The following CSMD1 variants were observed in gnomAD, a reference collection of about 807,000 sequenced individuals.
CSMD1 encodes the protein CUB and sushi domain-containing protein 1.
CSMD1 carries 213 observed loss-of-function variants against 417.5 expected under a neutral mutation model. The observed-to-expected ratio is 0.51, with a 90% CI of 0.46 to 0.57. The LOEUF (loss-of-function observed/expected upper bound fraction) is 0.57, where lower values mean the gene tolerates loss of function less well. Ranked by LOEUF, CSMD1 falls within the 20% of genes least tolerant of loss-of-function variation. The pLI is 0.00. For synonymous variants in CSMD1, 2,862 were observed against 1,736.8 expected (o/e 1.65, Z -16.11); for missense variants, 6,923 against 4,529.7 (o/e 1.53, Z -15.17).
In CSMD1 at chr8:4,484,021, T is replaced by C. The variant is rs145359131; in HGVS notation, c.303-63956A>G. 4.1e-4 allele frequency among the ~76,000 whole-genome samples: 63 copies of C among 152,218 alleles called. No homozygotes were observed. The East Asian group carries it at 0.011, about 26-fold the overall frequency. ...AAACATCCCATTGCCTGTTGGATGA[T>C]AGGGCTGCATTAGACATTTCTTAGT... On this transcript the variant is annotated intron_variant, in intron 2 of 69. Coordinates refer to ENST00000635120, the MANE Select transcript of CSMD1 (RefSeq NM_033225.6).
intron 5 of CSMD1, among the ~76,000 whole-genome samples, chr8:3,857,015 G>C (rs1344567864): frequency 6.6e-6 from 1 of 152,044 alleles, no homozygotes; most frequent in Non-Finnish European, 1.5e-5. Flanking sequence ...TAATGGCATG[G>C]CAATGATTAG....
rs1585359574 is a variant in CSMD1, at chr8:4,121,432, G to A, written c.416-89333C>T. 3.3e-5 allele frequency among the ~76,000 whole-genome samples: 5 copies of A among 151,974 alleles called. No homozygotes were observed. In the South Asian group the frequency reaches 6.2e-4, roughly 19 times the overall value. The stretch of plus-strand genomic sequence containing the variant: ...GTATTTTTCATTACAGAATTCACAC[G>A]CCCACCACACCGGTCAAGGGCTTCT... On this transcript the variant is annotated intron_variant, in intron 3 of 69. Transcript: ENST00000635120.
At chr8:4,201,182 G>T (rs1002978251) in intron 3 of CSMD1, among the ~76,000 whole-genome samples, 1 of 152,182 alleles carries the variant, frequency 6.6e-6, no homozygotes, top group East Asian at 1.9e-4. Context: ...GTACTGTTGT[G>T]TATGCAGAGG....
chr8:4,157,516 G>C (rs762027089), intron 3 of CSMD1, among the ~76,000 whole-genome samples: 4 of 151,924 alleles, frequency 2.6e-5, no homozygotes, highest in Admixed American at 6.6e-5. Flanking sequence ...CAAAGAACTG[G>C]TTAAAGCAGC....
At chr8:4,750,988 T>G (rs972335650) in intron 1 of CSMD1, among the ~76,000 whole-genome samples, 3 of 152,222 alleles carry the variant, frequency 2.0e-5, no homozygotes, top group African/African-American at 4.8e-5. Context: ...GGCTTTAACC[T>G]GGATTGTCAG....
intron 3 of CSMD1, among the ~76,000 whole-genome samples, chr8:4,418,094 C>T (rs1252285973): frequency 6.6e-6 from 1 of 151,946 alleles, no homozygotes; most frequent in African/African-American, 2.4e-5. Flanking sequence ...ATACTAGATA[C>T]AATTTTGGTT....
intron 10 of CSMD1, among the ~76,000 whole-genome samples, chr8:3,512,977 T>A (rs1316519168): frequency 6.6e-6 from 1 of 152,138 alleles, no homozygotes; most frequent in Non-Finnish European, 1.5e-5. Flanking sequence ...GAAAGAAGTC[T>A]CCGTCCCTAT....
intron 50 of CSMD1, among the ~76,000 whole-genome samples, chr8:3,037,996 C>G (rs112966845): frequency 2.5e-4 from 38 of 152,292 alleles, no homozygotes; most frequent in African/African-American, 8.7e-4. Context: ...CTAAAACCTT[C>G]AGAAAATCGG....
chr8:4,058,702 T>C (rs1290229369), intron 3 of CSMD1, among the ~76,000 whole-genome samples: 9 of 136,286 alleles, frequency 6.6e-5, no homozygotes. Flanking sequence ...AGAAGGCCAT[T>C]ACATAATAGT....
At chr8:2,986,442 T>C (rs1036930681) in intron 54 of CSMD1, among the ~76,000 whole-genome samples, 6 of 152,132 alleles carry the variant, frequency 3.9e-5, no homozygotes, top group African/African-American at 1.4e-4. Flanking sequence ...GACTGTGTTT[T>C]CTCTACTCAG....
rs151059053 is a variant in CSMD1, at chr8:3,387,185, C to T, written c.2782+309G>A. Among the ~76,000 whole-genome samples the T allele has an allele frequency of 2.5e-3, 388 of 152,222 alleles. 1 individual carries two copies. The highest frequency in any genetic ancestry group is 8.4e-3 in the African/African-American group (347 of 41,548). ...GTCTGACATCCTAGGATATGTGTGG[C>T]GACTATACCGCCCCACGTGCCAGTT... On this transcript the variant is annotated intron_variant, in intron 18 of 69. Transcript: ENST00000635120.
At chr8:3,141,065 C>G (rs1023659450) in intron 41 of CSMD1, among the ~76,000 whole-genome samples, 21 of 152,286 alleles carry the variant, frequency 1.4e-4, no homozygotes, top group African/African-American at 5.1e-4. Context: ...ATGGGACTCT[C>G]TGTGTCCTGA....
intron 46 of CSMD1, among the ~76,000 whole-genome samples, chr8:3,097,809 T>A (rs554501934): frequency 9.8e-5 from 15 of 152,290 alleles, no homozygotes; most frequent in African/African-American, 3.6e-4. Context: ...AAACGTTCGA[T>A]GTGATTGCTC....
intron 40 of CSMD1, among the ~76,000 whole-genome samples, chr8:3,147,012 G>A (rs1194283035): frequency 6.6e-6 from 1 of 152,080 alleles, no homozygotes; most frequent in East Asian, 1.9e-4. Flanking sequence ...TCTTCAAGAA[G>A]GGGCAATAAC....
At chr8:4,788,140 A>G in intron 1 of CSMD1, 3 of 1,602,066 alleles carry the variant, frequency 1.9e-6, no homozygotes, top group Non-Finnish European at 8.5e-7. Flanking sequence ...TCTACTTCTG[A>G]TCTTGGTCAC....
chr8:4,926,967 C>T lies in CSMD1; in HGVS notation c.85+67365G>A, dbSNP rs531206297. Among the ~76,000 whole-genome samples the T allele has an allele frequency of 5.1e-4, 78 of 152,118 alleles. 1 individual carries two copies. Among genetic ancestry groups the T allele is most frequent in the South Asian group, 1.9e-3 (9 of 4,824 alleles). ...AAGTTTAAAACTAAAAAGCATTCAG[C>T]TAGAGCACATACTATTTTCATTTAT... On this transcript the variant is annotated intron_variant, in intron 1 of 69. Transcript: ENST00000635120.
At chr8:3,994,998 G>T (rs1181420311) in intron 5 of CSMD1, among the ~76,000 whole-genome samples, 2 of 152,106 alleles carry the variant, frequency 1.3e-5, no homozygotes, top group African/African-American at 4.8e-5. Flanking sequence ...CTGTGCTTGG[G>T]AAGAGGTCGC....
intron 18 of CSMD1, among the ~76,000 whole-genome samples, chr8:3,382,507 T>TTATATATATAAATTTATATAAA (rs1554532545): frequency 1.3e-4 from 17 of 131,610 alleles, no homozygotes; most frequent in Admixed American, 6.0e-4. Context: ...GTATATAAAT[T>TTATATATATAAATTTATATAAA]TATATATATA....
At chr8:4,387,570 C>CCAAAAAAAAAA (rs1803535833) in intron 3 of CSMD1, among the ~76,000 whole-genome samples, 1 of 37,208 alleles carries the variant, frequency 2.7e-5, no homozygotes, top group African/African-American at 7.3e-5. Flanking sequence ...TCCAAACTGG[C>CCAAAAAAAAAA]AAAAAAAAAA....
Sources: allele counts gnomAD v4.1 joint callset (sites outside exome capture counted in the v4.1 genomes callset), GRCh38; gene constraint gnomAD v4.1.1; transcripts MANE v1.5; gene names NCBI Gene and HGNC (gene_info 2026-07-23, HGNC 2026-07-21).